The following TAFA2 variants were observed in gnomAD, a reference collection of about 807,000 sequenced individuals.
The protein encoded by TAFA2 is TAFA chemokine like family member 2.
Under a neutral mutation model 18.8 loss-of-function variants are expected in TAFA2, and 7 were observed. The ratio of observed to expected loss-of-function variants is 0.37; its 90% CI spans 0.21 to 0.70. The LOEUF (loss-of-function observed/expected upper bound fraction) is 0.70, where lower values mean the gene tolerates loss of function less well. Ranked by LOEUF, TAFA2 falls within the 30% of genes least tolerant of loss-of-function variation. The pLI is 0.53. For missense variants in TAFA2, 122 were observed against 158.1 expected (o/e 0.77, Z 1.23); for synonymous variants, 60 against 54.2 (o/e 1.11, Z -0.47).
At chr12:62,098,053 T>A (rs935948988) in intron 1 of TAFA2, among the ~76,000 whole-genome samples, 32 of 152,180 alleles carry the variant, frequency 2.1e-4, no homozygotes, top group African/African-American at 6.5e-4. Context: ...GAATTTCCCA[T>A]TTTGGAAGTG....
chr12:62,120,267 A>G (rs572336503), intron 1 of TAFA2, among the ~76,000 whole-genome samples: 1 of 152,306 alleles, frequency 6.6e-6, no homozygotes, highest in Admixed American at 6.5e-5. Flanking sequence ...ACAAATGTTG[A>G]CTGACTTCAA....
At chr12:61,906,261 G>A (rs532064956) in intron 1 of TAFA2, among the ~76,000 whole-genome samples, 14 of 152,240 alleles carry the variant, frequency 9.2e-5, no homozygotes, top group South Asian at 4.1e-4. Context: ...CCCATAATCC[G>A]CAAATGTCAT....
Position 61,751,732 on chromosome 12 carries a change from T to C in TAFA2, c.384+1890A>G, listed in dbSNP as rs577211193. ...ATGTAGATGTGATTTTCCCTACTCA[T>C]GAGTTCTCAGTCTCTCATCCACCTT... On this transcript the variant is annotated intron_variant, in intron 4 of 4. Transcript: ENST00000416284. Among the ~76,000 whole-genome samples the C allele has an allele frequency of 2.3e-4, 35 of 152,168 alleles. No homozygotes were observed. In the South Asian group the frequency reaches 6.8e-3, roughly 30 times the overall value.
At chr12:61,748,414 G>T (rs6581424) in intron 4 of TAFA2, among the ~76,000 whole-genome samples, 2 of 151,926 alleles carry the variant, frequency 1.3e-5, no homozygotes, top group African/African-American at 4.8e-5. Context: ...TGTTAAGAAA[G>T]AGCTGATCAA....
intron 1 of TAFA2, among the ~76,000 whole-genome samples, chr12:62,017,875 A>C (rs889520693): frequency 1.7e-4 from 26 of 152,196 alleles, no homozygotes; most frequent in African/African-American, 6.3e-4. Context: ...CTGCCATTCA[A>C]GCTCAATACT....
At chr12:61,948,953 G>T (rs1436730556) in intron 1 of TAFA2, among the ~76,000 whole-genome samples, 4 of 152,022 alleles carry the variant, frequency 2.6e-5, no homozygotes, top group African/African-American at 9.7e-5. Context: ...ATTTTAGTAG[G>T]TCCTCCCAAT....
chr12:62,249,886 G>T (rs549492337), intron 1 of TAFA2, among the ~76,000 whole-genome samples: 1 of 152,178 alleles, frequency 6.6e-6, no homozygotes, highest in Non-Finnish European at 1.5e-5. Context: ...GCCTCACAGC[G>T]GGTTTGGATT....
At chr12:61,910,872 T>C (rs1218207668) in intron 1 of TAFA2, among the ~76,000 whole-genome samples, 1 of 152,230 alleles carries the variant, frequency 6.6e-6, no homozygotes, top group African/African-American at 2.4e-5. Flanking sequence ...TCTGTGTTTC[T>C]TCAAAGCTCT....
chr12:61,958,603 T>C (rs1878778435), intron 1 of TAFA2, among the ~76,000 whole-genome samples: 1 of 151,966 alleles, frequency 6.6e-6, no homozygotes, highest in African/African-American at 2.4e-5. Context: ...CTGTTGGCCA[T>C]TTGTACTTCC....
intron 1 of TAFA2, among the ~76,000 whole-genome samples, chr12:61,920,522 G>T (rs1219006805): frequency 1.3e-5 from 2 of 152,144 alleles, no homozygotes; most frequent in Non-Finnish European, 2.9e-5. Context: ...GCTTCTAAAA[G>T]CCTAAAACCC....
intron 1 of TAFA2, among the ~76,000 whole-genome samples, chr12:61,871,297 C>T (rs779368202): frequency 6.6e-6 from 1 of 152,116 alleles, no homozygotes. Flanking sequence ...GGAAAAAAAG[C>T]TGAATGTACA....
intron 1 of TAFA2, among the ~76,000 whole-genome samples, chr12:61,977,525 A>G (rs540025985): frequency 6.6e-6 from 1 of 152,184 alleles, no homozygotes; most frequent in East Asian, 1.9e-4. Context: ...TGAATGTGCT[A>G]CTGTCAGAAA....
At chr12:61,742,183 C>G (rs1209741559) in intron 4 of TAFA2, among the ~76,000 whole-genome samples, 1 of 152,172 alleles carries the variant, frequency 6.6e-6, no homozygotes, top group Admixed American at 6.5e-5. Flanking sequence ...GCATGAGCCA[C>G]TGTGCCCAGC....
intron 1 of TAFA2, among the ~76,000 whole-genome samples, chr12:62,245,840 T>C (rs546543040): frequency 1.3e-5 from 2 of 150,002 alleles, no homozygotes; most frequent in East Asian, 3.9e-4. Context: ...TTCTATTTTA[T>C]TAATTTCTGT....
intron 2 of TAFA2, among the ~76,000 whole-genome samples, chr12:61,784,120 G>C (rs1177177210): frequency 1.3e-5 from 2 of 151,332 alleles, no homozygotes; most frequent in Non-Finnish European, 3.0e-5. Flanking sequence ...AAAAGGGAGG[G>C]GAAATACTGG....
intron 2 of TAFA2, among the ~76,000 whole-genome samples, chr12:61,840,017 G>A (rs1873106651): frequency 6.6e-6 from 1 of 152,168 alleles, no homozygotes; most frequent in African/African-American, 2.4e-5. Flanking sequence ...CCACGAGAGT[G>A]TACGGAATGT....
chr12:61,817,628 T>C (rs1328272801), intron 2 of TAFA2, among the ~76,000 whole-genome samples: 1 of 152,154 alleles, frequency 6.6e-6, no homozygotes, highest in Non-Finnish European at 1.5e-5. Context: ...AAGTGGCAGC[T>C]AGGTACGCCC....
At chr12:61,946,205 G>T (rs1049285743) in intron 1 of TAFA2, among the ~76,000 whole-genome samples, 6 of 150,716 alleles carry the variant, frequency 4.0e-5, no homozygotes, top group Non-Finnish European at 8.9e-5. Context: ...AAGCAATGGG[G>T]AAAGGATTCC....
At position 61,879,750 on chromosome 12, in the gene TAFA2, A is replaced by G. The variant is rs2121266434; in HGVS notation, c.-1-12324T>C. On this transcript the variant is annotated intron_variant, in intron 1 of 4. Coordinates refer to ENST00000416284, the MANE Select transcript of TAFA2 (RefSeq NM_178539.5). ...AACATGGACAACATGTTCCAGAGCT[A>G]CATCAACAACCTTAGGTGGCAGCTG... is the stretch of plus-strand genomic sequence containing the variant. 6 of 1,283,094 alleles carry G rather than the reference A, an allele frequency of 4.7e-6. No homozygotes were observed. In the South Asian group the frequency reaches 7.1e-5, roughly 15 times the overall value. 79.5% of individuals were successfully genotyped at this position (1,283,094 alleles called of 1,614,324 possible).
Sources: gnomAD v4.1 joint callset for allele counts (sites outside exome capture counted in the v4.1 genomes callset) on GRCh38, gnomAD v4.1.1 for gene constraint, MANE v1.5 for transcripts, NCBI Gene and HGNC (gene_info 2026-07-23, HGNC 2026-07-21) for gene names.